Variants in C10orf67 observed in about 807,000 individuals in gnomAD.
The protein encoded by C10orf67 is chromosome 10 open reading frame 67, also known as uncharacterized protein C10orf67, mitochondrial.
In C10orf67, 60 loss-of-function variants were observed where a neutral mutation model predicts 35.6. That is an observed-to-expected ratio of 1.68 (90% CI 1.37 to 2.09). C10orf67 has a LOEUF of 2.09. C10orf67 is among the 30% of genes most tolerant of loss of function. The probability of loss-of-function intolerance (pLI) is 0.00; values close to 1 mark genes in which losing one functional copy is unlikely to be tolerated. For missense variants in C10orf67, 474 were observed against 330.2 expected, an observed-to-expected ratio of 1.44 and a Z score of -3.38; for synonymous variants, 167 against 115.8, an observed-to-expected ratio of 1.44 and a Z score of -2.84.
At chr10:23,290,086 G>A in intron 6 of C10orf67, 128 bp from the exon 7 acceptor site, 2 of 605,406 alleles carry the variant, frequency 3.3e-6, no homozygotes, top group South Asian at 4.4e-5. Context: ...TAGCAGGACT[G>A]TGACCTTCAC....
intron 1 of C10orf67, among the ~76,000 whole-genome samples, chr10:23,334,770 C>G (rs1013468362): frequency 6.6e-5 from 10 of 152,198 alleles, no homozygotes; most frequent in African/African-American, 2.4e-4. Context: ...AAAGGGGGCA[C>G]CAGAGGAGAG....
intron 8 of C10orf67, among the ~76,000 whole-genome samples, chr10:23,268,599 T>C (rs906584706): frequency 4.6e-5 from 7 of 152,224 alleles, no homozygotes; most frequent in African/African-American, 1.7e-4. Context: ...TCTGAGAGGA[T>C]AGTTACTGAT....
At position 23,262,494 on chromosome 10, in the gene C10orf67, G is replaced by A. The variant is rs193100145; in HGVS notation, c.1200+3768C>T. 4.6e-3 allele frequency among the ~76,000 whole-genome samples: 696 copies of A among 152,302 alleles called. 6 individuals are homozygous for A. Among genetic ancestry groups the A allele is most frequent in the South Asian group, 0.016 (79 of 4,824 alleles). ...CCAATGGCTGACAGTGCTTTGGGAA[G>A]AATAAGGACATTATCCATACCTTGA... On this transcript the variant is annotated intron_variant, in intron 10 of 15. Transcript: ENST00000636213.
chr10:23,281,968 A>G (rs1462379047), intron 8 of C10orf67, 45 bp downstream of exon 8: 5 of 541,574 alleles, frequency 9.2e-6, no homozygotes, highest in Non-Finnish European at 1.7e-5. Flanking sequence ...GTTAAATTAA[A>G]TTCCTGAATT....
At chr10:23,322,743 T>G (rs1223535698) in intron 2 of C10orf67, among the ~76,000 whole-genome samples, 5 of 152,100 alleles carry the variant, frequency 3.3e-5, no homozygotes, top group Admixed American at 6.5e-5. Flanking sequence ...AGCATTAGTA[T>G]CTGGGTGATG....
chr10:23,234,653 T>C (rs1841997386), intron 13 of C10orf67, among the ~76,000 whole-genome samples: 1 of 151,576 alleles, frequency 6.6e-6, no homozygotes, highest in Non-Finnish European at 1.5e-5. Context: ...ATAACAAACC[T>C]GCACATGTAC....
At chr10:23,225,919 T>C (rs1175912067) in intron 13 of C10orf67, among the ~76,000 whole-genome samples, 1 of 151,974 alleles carries the variant, frequency 6.6e-6, no homozygotes, top group African/African-American at 2.4e-5. Flanking sequence ...ACAATAATAA[T>C]GGGAGACTTT....
chr10:23,213,082 C>T (rs536014394), intron 15 of C10orf67, among the ~76,000 whole-genome samples: 1 of 151,848 alleles, frequency 6.6e-6, no homozygotes, highest in African/African-American at 2.4e-5. Context: ...GAAAAAGAAC[C>T]AATTAAAATT....
rs1320774960 is a variant in C10orf67 at position 23,344,619 on chromosome 10, C to T, written c.156G>A (p.Arg52=). ...GCTTGAATTCCCGAGCTTCTCGCTT[C>T]CTACGCGCGCAGCAGACCCGCAGCT... The part of the protein sequence containing the change: ...ATELRVCCAR[R]KREAREFKPP... The change falls in exon 1 of 16, where the codon AGG becomes AGA. Residue 52 remains arginine (R), a synonymous_variant. Coordinates refer to ENST00000636213, the MANE Select transcript of C10orf67 (RefSeq NM_001371909.1). The T allele has an allele frequency of 2.5e-6, 4 of 1,584,300 alleles. No individual in the cohort carries two copies. The highest frequency in any genetic ancestry group is 3.4e-6 in the Non-Finnish European group (4 of 1,166,062).
chr10:23,240,774 T>C (rs542635519), intron 12 of C10orf67, among the ~76,000 whole-genome samples: 56 of 152,110 alleles, frequency 3.7e-4, no homozygotes, highest in Non-Finnish European at 7.4e-4. Context: ...GAGTCCAAAA[T>C]AGAGATGAGA....
At chr10:23,206,245 G>A (rs1841155427) in intron 15 of C10orf67, among the ~76,000 whole-genome samples, 1 of 152,194 alleles carries the variant, frequency 6.6e-6, no homozygotes, top group Non-Finnish European at 1.5e-5. Context: ...TCACATAGCA[G>A]TACAGAAACT....
chr10:23,203,576 A>C lies in C10orf67; in HGVS notation c.*597T>G, dbSNP rs749728824. On this transcript the variant is annotated 3_prime_UTR_variant, in exon 16 of 16. Coordinates refer to ENST00000636213, the MANE Select transcript of C10orf67 (RefSeq NM_001371909.1). ...TAAACGGTGTCTGGCATTCCAGCAG[A>C]ATCTTGGTTTGCATCCTTACCAGGA... 6.6e-6 allele frequency: 1 copy of C among 152,230 alleles called. No individual in the cohort carries two copies. The highest frequency in any genetic ancestry group is 1.5e-5 in the Non-Finnish European group (1 of 68,040). The allele number at this position is 152,230 out of a possible 1,614,324, so 9.4% of individuals were successfully genotyped here.
intron 4 of C10orf67, among the ~76,000 whole-genome samples, chr10:23,304,952 C>T (rs1844219539): frequency 6.6e-6 from 1 of 152,126 alleles, no homozygotes; most frequent in Non-Finnish European, 1.5e-5. Context: ...ACATGGTCCC[C>T]ATTGCAGACC....
chr10:23,258,272 G>T (rs1842657204), intron 10 of C10orf67: 1 of 165,926 alleles, frequency 6.0e-6, no homozygotes, highest in South Asian at 1.6e-4. Flanking sequence ...AAATACTCAA[G>T]GCTCTCCAGC....
chr10:23,259,361 G>C (rs774732906), intron 10 of C10orf67, among the ~76,000 whole-genome samples: 2 of 152,196 alleles, frequency 1.3e-5, no homozygotes, highest in African/African-American at 2.4e-5. Flanking sequence ...CTAGTACCTA[G>C]TATTATGATG....
chr10:23,249,449 G>A (rs1199466128), intron 12 of C10orf67, among the ~76,000 whole-genome samples: 5 of 152,186 alleles, frequency 3.3e-5, no homozygotes, highest in Admixed American at 6.5e-5. Flanking sequence ...ATGCTTATCA[G>A]CACATACACG....
In C10orf67 at chr10:23,203,850, G is replaced by T; in HGVS notation, c.*323C>A. 4.6e-6 allele frequency: 1 copy of T among 215,608 alleles called. No individual in the cohort carries two copies. Among genetic ancestry groups the T allele is most frequent in the Non-Finnish European group, 9.0e-6 (1 of 110,564 alleles). 13.4% of individuals were successfully genotyped at this position (215,608 alleles called of 1,614,324 possible). A position where few individuals can be genotyped will look rare whatever the true frequency, so the allele number is the denominator to read the frequency against. On this transcript the variant is annotated 3_prime_UTR_variant, in exon 16 of 16. Coordinates refer to ENST00000636213, the MANE Select transcript of C10orf67 (RefSeq NM_001371909.1). ...GAGTCAAACTTTTTAATTAAAGTCC[G>T]TCCCTTCCCACTCTTAGACGCCTGG...
intron 13 of C10orf67, among the ~76,000 whole-genome samples, chr10:23,234,298 A>G (rs1400457602): frequency 2.0e-5 from 3 of 152,236 alleles, no homozygotes; most frequent in African/African-American, 7.2e-5. Flanking sequence ...GATATACTGG[A>G]TAATGAAAAT....
At chr10:23,205,422 C>T (rs531504215) in intron 15 of C10orf67, among the ~76,000 whole-genome samples, 25 of 152,240 alleles carry the variant, frequency 1.6e-4, no homozygotes, top group African/African-American at 5.3e-4. Flanking sequence ...GGATAAGCTT[C>T]GTGTATTCTT....
Sources: gnomAD v4.1 joint callset for allele counts (sites outside exome capture counted in the v4.1 genomes callset) on GRCh38, gnomAD v4.1.1 for gene constraint, MANE v1.5 for transcripts, NCBI Gene and HGNC (gene_info 2026-07-23, HGNC 2026-07-21) for gene names.